The following PDE6A variants were observed in gnomAD, a reference collection of about 807,000 sequenced individuals.
PDE6A encodes rod cGMP-specific 3',5'-cyclic phosphodiesterase subunit alpha.
A neutral mutation model predicts 106.3 loss-of-function variants in PDE6A; 84 were observed. The observed-to-expected ratio is 0.79, with a 90% confidence interval of 0.66 to 0.95. The LOEUF is 0.95. PDE6A is among the 40% of genes least tolerant of loss of function. The pLI is 0.00. For synonymous variants in PDE6A, 394 were observed against 386.6 expected (o/e 1.02, Z -0.23); for missense variants, 1,052 against 1,084.9 (o/e 0.97, Z 0.43).
At chr5:149,918,733 T>A (rs1350882865) in intron 5 of PDE6A, among the ~76,000 whole-genome samples, 2 of 152,092 alleles carry the variant, frequency 1.3e-5, no homozygotes, top group Non-Finnish European at 2.9e-5. Flanking sequence ...TATCTTAGCC[T>A]CCCAAGTAAC....
chr5:149,883,664 G>GC, intron 16 of PDE6A, 128 bp from the exon 17 acceptor site: 1 of 731,874 alleles, frequency 1.4e-6, no homozygotes, highest in Non-Finnish European at 2.4e-6. Context: ...GGTTGAAAGA[G>GC]CCAAGGCCCA....
Position 149,944,190 on chromosome 5 carries a change from AAG to A in PDE6A, c.474+8_474+9del. ...GCCCCATGCCCTCTCTCTCATGGGG[AAG>A]AGAGTACCTCCTCTGTGTTGGGGAC... On this transcript the variant is annotated splice_region_variant and intron_variant, in intron 1 of 21. Transcript: ENST00000255266. 6.3e-7 allele frequency: 1 copy of A among 1,599,496 alleles called. No individual in the cohort carries two copies. The highest frequency in any genetic ancestry group is 8.6e-7 in the Non-Finnish European group (1 of 1,167,014).
chr5:149,868,657 T>C (rs1561680920), intron 17 of PDE6A, among the ~76,000 whole-genome samples: 1 of 152,158 alleles, frequency 6.6e-6, no homozygotes, highest in Non-Finnish European at 1.5e-5. Flanking sequence ...TTTCTCATCA[T>C]TGTTCCCTGC....
intron 4 of PDE6A, among the ~76,000 whole-genome samples, chr5:149,928,231 A>ATATATATATATATATTTTT: frequency 5.1e-5 from 1 of 19,754 alleles, no homozygotes; most frequent in African/African-American, 4.8e-4. Flanking sequence ...ATATATATAT[A>ATATATATATATATATTTTT]TTTTTTTTTT....
chr5:149,902,742 A>C (rs1394826276), intron 8 of PDE6A, among the ~76,000 whole-genome samples: 1 of 151,862 alleles, frequency 6.6e-6, no homozygotes, highest in African/African-American at 2.4e-5. Context: ...GGATGGCGTG[A>C]ACCTGGGAGG....
chr5:149,899,620 G>A, intron 8 of PDE6A, 96 bp from the exon 9 acceptor site: 1 of 1,227,520 alleles, frequency 8.1e-7, no homozygotes, highest in East Asian at 2.3e-5. Context: ...GATTGGCTGA[G>A]AGGAGGTGGC....
intron 4 of PDE6A, among the ~76,000 whole-genome samples, chr5:149,922,783 A>T (rs949320171): frequency 6.6e-6 from 1 of 152,242 alleles, no homozygotes; most frequent in Admixed American, 6.5e-5. Flanking sequence ...TATATCTGGG[A>T]TCCAATAAGA....
At chr5:149,893,767 T>C (rs1311286383) in intron 13 of PDE6A, among the ~76,000 whole-genome samples, 1 of 152,188 alleles carries the variant, frequency 6.6e-6, no homozygotes, top group Non-Finnish European at 1.5e-5. Context: ...GCTGGCCTCT[T>C]TTCCAGTCCC....
intron 13 of PDE6A, among the ~76,000 whole-genome samples, chr5:149,887,959 G>A (rs1420833711): frequency 1.3e-5 from 2 of 149,930 alleles, no homozygotes; most frequent in East Asian, 1.9e-4. Flanking sequence ...CTCTTGAGCC[G>A]CCCTCTTTCT....
chr5:149,867,870 C>T (rs989225511), intron 18 of PDE6A, 71 bp from the exon 19 acceptor site: 48 of 1,429,670 alleles, frequency 3.4e-5, no homozygotes, highest in Non-Finnish European at 3.9e-5. Context: ...GCTCCCACCC[C>T]ACTTGCAATT....
At chr5:149,930,941 G>T in intron 4 of PDE6A, 87 bp downstream of exon 4, 1 of 1,320,070 alleles carries the variant, frequency 7.6e-7, no homozygotes, top group Non-Finnish European at 1.1e-6. Context: ...CTTCCCCCGT[G>T]CAATTGAATG....
rs1205889575 is a variant in PDE6A at position 149,931,151 on chromosome 5, C to T, written c.735G>A (p.Gly245=). 1 of 1,613,974 alleles carries T rather than the reference C, an allele frequency of 6.2e-7. No individual in the cohort carries two copies. The highest frequency in any genetic ancestry group is 8.5e-7 in the Non-Finnish European group (1 of 1,180,018). Residue 245 remains glycine, a synonymous_variant, in exon 4 of 22, where the codon GGG becomes GGA. Transcript: ENST00000255266. ...CCGTAAGTTCTTCAAAGACTTTGCTCCCAGACCACAGCAGTATCTGAAAAA... is the reference window on the plus strand; with the variant it reads ...CCGTAAGTTCTTCAAAGACTTTGCTTCCAGACCACAGCAGTATCTGAAAAA... ...TRRGQILLWS[G]SKVFEELTDI...
intron 13 of PDE6A, among the ~76,000 whole-genome samples, chr5:149,892,487 T>C (rs1214098592): frequency 6.6e-6 from 1 of 150,616 alleles, no homozygotes; most frequent in Non-Finnish European, 1.5e-5. Flanking sequence ...TCTTTTCTTT[T>C]CTTTCCTTTT....
At chr5:149,918,382 G>A (rs1175258523) in intron 5 of PDE6A, among the ~76,000 whole-genome samples, 1 of 152,166 alleles carries the variant, frequency 6.6e-6, no homozygotes, top group African/African-American at 2.4e-5. Context: ...GAATCATAGC[G>A]TTAGTGCAGA....
chr5:149,888,240 T>C (rs897732001), intron 13 of PDE6A, among the ~76,000 whole-genome samples: 21 of 152,084 alleles, frequency 1.4e-4, no homozygotes, highest in African/African-American at 4.6e-4. Context: ...TACTAAAAAT[T>C]TTCTGTGCCA....
intron 5 of PDE6A, among the ~76,000 whole-genome samples, chr5:149,917,275 C>A (rs564235853): frequency 4.4e-4 from 66 of 149,572 alleles, no homozygotes; most frequent in East Asian, 5.9e-4. Context: ...TTCACACACA[C>A]AAAAAAAAAT....
intron 4 of PDE6A, among the ~76,000 whole-genome samples, chr5:149,929,303 A>C (rs1753956412): frequency 6.6e-6 from 1 of 152,176 alleles, no homozygotes; most frequent in Non-Finnish European, 1.5e-5. Flanking sequence ...AACTCATGCT[A>C]AATGAAGTAA....
intron 8 of PDE6A, among the ~76,000 whole-genome samples, chr5:149,901,082 A>G (rs548065886): frequency 6.6e-6 from 1 of 152,180 alleles, no homozygotes; most frequent in African/African-American, 2.4e-5. Flanking sequence ...CGCTCTGCTA[A>G]TTTTTGTATT....
intron 13 of PDE6A, among the ~76,000 whole-genome samples, chr5:149,888,630 T>G (rs1468845195): frequency 6.6e-6 from 1 of 151,276 alleles, no homozygotes; most frequent in African/African-American, 2.4e-5. Flanking sequence ...TTGTTAAGGG[T>G]GAAAAGAGAA....
Sources: allele counts gnomAD v4.1 joint callset (sites outside exome capture counted in the v4.1 genomes callset), GRCh38; gene constraint gnomAD v4.1.1; transcripts MANE v1.5; gene names NCBI Gene and HGNC (gene_info 2026-07-23, HGNC 2026-07-21).